Variants in REDIC1 observed in about 807,000 individuals in gnomAD.
The protein encoded by REDIC1 is regulator of DNA class I crossover intermediates 1.
the REDIC1 span, among the ~76,000 whole-genome samples, chr12:39,711,532 T>TGTGC: frequency 4.0e-5 from 5 of 125,902 alleles, no homozygotes; most frequent in African/African-American, 1.6e-4. Context: ...TATATGTGTA[T>TGTGC]ATACATATAT....
the REDIC1 span, among the ~76,000 whole-genome samples, chr12:39,653,551 C>CTTT: frequency 4.1e-5 from 5 of 122,604 alleles, no homozygotes; most frequent in South Asian, 2.6e-4. Flanking sequence ...TCTTCTTCTT[C>CTTT]TTCTTCTTTC....
At chr12:39,747,736 A>G in the REDIC1 span, among the ~76,000 whole-genome samples, 1 of 152,254 alleles carries the variant, frequency 6.6e-6, no homozygotes, top group Non-Finnish European at 1.5e-5. Context: ...CTTTCAGCAG[A>G]AACTCTACAA....
the REDIC1 span, among the ~76,000 whole-genome samples, chr12:39,679,348 T>C: frequency 6.6e-6 from 1 of 152,192 alleles, no homozygotes; most frequent in African/African-American, 2.4e-5. Flanking sequence ...GCAGTAGAAC[T>C]GCTATACATC....
At chr12:39,754,959 A>G in the REDIC1 span, 1 of 152,138 alleles carries the variant, frequency 6.6e-6, no homozygotes, top group Non-Finnish European at 1.5e-5. Context: ...TAGATGCTTT[A>G]ACTATCATCT....
chr12:39,722,138 G>A, the REDIC1 span, among the ~76,000 whole-genome samples: 1 of 152,060 alleles, frequency 6.6e-6, no homozygotes, highest in Non-Finnish European at 1.5e-5. Context: ...TGCCTTTAAA[G>A]AAAACAATGT....
the REDIC1 span, among the ~76,000 whole-genome samples, chr12:39,633,878 C>T: frequency 1.3e-5 from 2 of 152,118 alleles, no homozygotes; most frequent in African/African-American, 4.8e-5. Context: ...TTCTTCTTGT[C>T]AGCAATTACA....
At chr12:39,814,744 T>G in the REDIC1 span, among the ~76,000 whole-genome samples, 69 of 152,220 alleles carry the variant, frequency 4.5e-4, no homozygotes, top group East Asian at 0.012. Context: ...TCAACACTAG[T>G]AAGAAAGAAA....
At chr12:39,757,793 A>G in the REDIC1 span, 1 of 152,220 alleles carries the variant, frequency 6.6e-6, no homozygotes, top group Admixed American at 6.6e-5. Context: ...ACAAGAGTCC[A>G]GTTTCTCCTT....
the REDIC1 span, among the ~76,000 whole-genome samples, chr12:39,704,165 T>A: frequency 0.87 from 130,913 of 151,110 alleles, 56,966 homozygotes; most frequent in African/African-American, 0.92. Flanking sequence ...AATTTTCGCA[T>A]CCTACTCATC....
the REDIC1 span, among the ~76,000 whole-genome samples, chr12:39,745,639 A>G: frequency 3.9e-3 from 596 of 152,338 alleles, 4 homozygotes; most frequent in Non-Finnish European, 6.8e-3. Flanking sequence ...TATAATATTT[A>G]ATGATTTTTT....
chr12:39,646,962 A>G, the REDIC1 span: 1 of 1,005,958 alleles, frequency 9.9e-7, no homozygotes, highest in Middle Eastern at 2.2e-4. Context: ...AAATGTCTGA[A>G]TACTGGAGAA....
the REDIC1 span, among the ~76,000 whole-genome samples, chr12:39,753,999 A>AT: frequency 1.3e-5 from 2 of 152,082 alleles, no homozygotes; most frequent in African/African-American, 2.4e-5. Context: ...CTAAATGAAG[A>AT]TTTTTCAGGA....
the REDIC1 span, among the ~76,000 whole-genome samples, chr12:39,842,662 T>A: frequency 6.6e-6 from 1 of 152,076 alleles, no homozygotes; most frequent in Non-Finnish European, 1.5e-5. Flanking sequence ...ATTTTAACAA[T>A]GTTAAAGCTT....
chr12:39,701,267 A>C, the REDIC1 span, among the ~76,000 whole-genome samples: 1 of 151,716 alleles, frequency 6.6e-6, no homozygotes, highest in African/African-American at 2.4e-5. Flanking sequence ...GGAAAACAAA[A>C]AAAGGCAGGG....
At chr12:39,703,118 A>G in the REDIC1 span, among the ~76,000 whole-genome samples, 2 of 151,958 alleles carry the variant, frequency 1.3e-5, no homozygotes, top group Non-Finnish European at 1.5e-5. Flanking sequence ...AAAGGGGATT[A>G]TATTAGGAAA....
the REDIC1 span, among the ~76,000 whole-genome samples, chr12:39,877,383 A>C: frequency 1.3e-5 from 2 of 152,052 alleles, no homozygotes; most frequent in African/African-American, 4.8e-5. Flanking sequence ...TTATCACAAG[A>C]ACAGAATTGG....
At chr12:39,712,600 T>C in the REDIC1 span, among the ~76,000 whole-genome samples, 130 of 144,870 alleles carry the variant, frequency 9.0e-4, 2 homozygotes, top group African/African-American at 3.0e-3. Flanking sequence ...CGTATATACA[T>C]ATATATGTAT....
the REDIC1 span, among the ~76,000 whole-genome samples, chr12:39,749,812 A>G: frequency 6.6e-6 from 1 of 152,224 alleles, no homozygotes; most frequent in East Asian, 1.9e-4. Flanking sequence ...ACCAAAGACA[A>G]AAACCACATG....
the REDIC1 span, among the ~76,000 whole-genome samples, chr12:39,701,000 C>A: frequency 3.9e-5 from 6 of 151,956 alleles, no homozygotes; most frequent in Non-Finnish European, 8.8e-5. Context: ...ATGTAAAGAC[C>A]ATCGAGACTA....
Sources: allele counts gnomAD v4.1 joint callset (sites outside exome capture counted in the v4.1 genomes callset), GRCh38; gene constraint gnomAD v4.1.1; transcripts MANE v1.5; gene names NCBI Gene and HGNC (gene_info 2026-07-23, HGNC 2026-07-21).